COPA: variants seen among roughly 807,000 people sequenced by gnomAD.
COPA encodes the protein coat protein complex I subunit alpha.
In COPA, 10 loss-of-function variants were observed where a neutral mutation model predicts 158.7. The ratio of observed to expected loss-of-function variants is 0.06; its 90% CI spans 0.04 to 0.11. The LOEUF (loss-of-function observed/expected upper bound fraction) is 0.11. COPA is among the 10% of genes least tolerant of loss of function. The probability of loss-of-function intolerance (pLI) is 1.00; values close to 1 mark genes in which losing one functional copy is unlikely to be tolerated. For synonymous variants in COPA, 462 were observed against 542.8 expected (o/e 0.85, Z 2.07); for missense variants, 1,065 against 1,536.7 (o/e 0.69, Z 5.13).
intron 8 of COPA, among the ~76,000 whole-genome samples, chr1:160,315,487 GAC>G (rs1659100708): frequency 6.6e-6 from 1 of 152,202 alleles, no homozygotes; most frequent in Non-Finnish European, 1.5e-5. Context: ...AGCCAGCCTT[GAC>G]ACACAGCTGG....
chr1:160,320,824 G>A (rs576225232), intron 8 of COPA, among the ~76,000 whole-genome samples: 77 of 145,876 alleles, frequency 5.3e-4, no homozygotes, highest in African/African-American at 1.8e-3. Flanking sequence ...AAAGGAAGAG[G>A]AGGGAATATT....
chr1:160,328,465 C>T (rs1021494699), intron 6 of COPA, among the ~76,000 whole-genome samples: 41 of 152,158 alleles, frequency 2.7e-4, no homozygotes, highest in African/African-American at 9.7e-4. Flanking sequence ...CTCGCTAGGA[C>T]TGAACGACAG....
intron 12 of COPA, 26 bp downstream of exon 12, chr1:160,310,166 C>G: frequency 6.7e-7 from 1 of 1,486,950 alleles, no homozygotes; most frequent in African/African-American, 1.4e-5. Context: ...TGAGGAGAAC[C>G]TAGGAGGGCT....
intron 30 of COPA, 44 bp from the exon 31 acceptor site, chr1:160,291,540 C>G: frequency 6.3e-7 from 1 of 1,596,048 alleles, no homozygotes; most frequent in Non-Finnish European, 8.6e-7. Flanking sequence ...GATGCTACAC[C>G]TGGTAGAAGT....
intron 3 of COPA, among the ~76,000 whole-genome samples, chr1:160,339,038 T>C (rs1443213770): frequency 6.8e-6 from 1 of 146,014 alleles, no homozygotes; most frequent in Non-Finnish European, 1.5e-5. Flanking sequence ...TATCTCCTCC[T>C]GATTTTCCTT....
rs1318446628 is a variant in COPA, at chr1:160,292,181, T to G, written c.2978A>C (p.Lys993Thr). ...CAGGCCCACAGCTGGTACACCATTC[T>G]TCAGCCCTGCATCCTTCCTGGAAAG... is the stretch of plus-strand genomic sequence containing the variant. ...PNRNWKDAGL[K>T]NGVPAVGLKL... Residue 993 changes from lysine (K) to threonine (T), a missense_variant, in exon 29 of 33, where the codon AAG becomes ACG. By Grantham distance (78) the Lys-to-Thr change is moderately conservative. This residue lies in a region of COPA where 980 missense variants were observed against 1,357.8 expected (regional missense o/e 0.72). Coordinates refer to ENST00000241704, the MANE Select transcript of COPA (RefSeq NM_004371.4). The G allele has an allele frequency of 1.2e-6, 2 of 1,612,944 alleles. No individual in the cohort carries two copies. The highest frequency in any genetic ancestry group is 2.2e-5 in the South Asian group (2 of 91,022).
rs1295798485 is a variant in COPA at position 160,299,137 on chromosome 1, A to G, written c.1795T>C (p.Phe599Leu). 6.2e-7 allele frequency: 1 copy of G among 1,614,224 alleles called. No individual in the cohort carries two copies. Among genetic ancestry groups the G allele is most frequent in the Non-Finnish European group, 8.5e-7 (1 of 1,180,036 alleles). ...TTTCTGTTGATCAGGGCCAGCTTGA[A>G]TTTGAACTCAGTGGGATCAATGGTG... ...VLTIDPTEFK[F>L]KLALINRKYD... is the part of the protein sequence containing the mutation. Residue 599 changes from phenylalanine (F) to leucine (L), a missense_variant, in exon 18 of 33, where the codon TTC (phenylalanine) becomes CTC (leucine). By Grantham distance (22) the Phe-to-Leu change is conservative (BLOSUM62 0). Transcript: ENST00000241704.
chr1:160,330,073 C>G (rs1647432234), intron 6 of COPA, among the ~76,000 whole-genome samples: 1 of 152,094 alleles, frequency 6.6e-6, no homozygotes, highest in African/African-American at 2.4e-5. Context: ...TGAGATCATG[C>G]CACTGCACTC....
At chr1:160,301,393 A>G (rs990062278) in intron 17 of COPA, among the ~76,000 whole-genome samples, 1 of 152,208 alleles carries the variant, frequency 6.6e-6, no homozygotes, top group Non-Finnish European at 1.5e-5. Context: ...AATCAGAAAA[A>G]AATCAGAAAT....
intron 3 of COPA, 70 bp downstream of exon 3, chr1:160,339,839 T>G: frequency 7.1e-7 from 1 of 1,405,506 alleles, no homozygotes; most frequent in Non-Finnish European, 1.0e-6. Flanking sequence ...GTCTTTCAGT[T>G]CCTTTCATGA....
At chr1:160,337,501 C>T (rs1647832201) in intron 3 of COPA, among the ~76,000 whole-genome samples, 1 of 152,212 alleles carries the variant, frequency 6.6e-6, no homozygotes, top group South Asian at 2.1e-4. Context: ...AGGAAGACGA[C>T]CCGAGGTCGG....
chr1:160,310,226 T>C lies in COPA; in HGVS notation c.1109A>G (p.Tyr370Cys). Residue 370 changes from tyrosine to cysteine, a missense_variant, in exon 12 of 33, where the codon TAC (tyrosine) becomes TGC (cysteine). Physicochemically the swap from Tyr to Cys is radical, Grantham distance 194. Around this residue, in one of 2 missense-constraint regions of COPA, gnomAD observed 980 missense variants for 1,357.8 expected, o/e 0.72. Transcript: ENST00000241704. ...CAGGACTGCATTTTCTGCTGGATTG[T>C]ATGACATATTGAATACTGGAAACTT... is the stretch of plus-strand genomic sequence containing the variant. ...GSKFPVFNMSYNPAENAVLLC... is the reference protein window; with the variant it reads ...GSKFPVFNMSCNPAENAVLLC... 2 of 1,605,610 alleles carry C rather than the reference T, an allele frequency of 1.2e-6. No individual in the cohort carries two copies. Among genetic ancestry groups the C allele is most frequent in the Non-Finnish European group, 1.7e-6 (2 of 1,175,958 alleles).
chr1:160,313,379 A>T (rs1354180075), intron 9 of COPA, among the ~76,000 whole-genome samples: 2 of 151,550 alleles, frequency 1.3e-5, no homozygotes, highest in Admixed American at 1.3e-4. Flanking sequence ...TGATATATAG[A>T]TTTCCCCTTT....
At chr1:160,307,279 T>C in intron 13 of COPA, 34 bp from the exon 14 acceptor site, 2 of 1,604,736 alleles carry the variant, frequency 1.2e-6, no homozygotes, top group Non-Finnish European at 1.7e-6. Context: ...TGGGAGCATG[T>C]GGTGAGTCAC....
chr1:160,303,209 C>A (rs554563751), intron 17 of COPA, among the ~76,000 whole-genome samples: 1 of 152,072 alleles, frequency 6.6e-6, no homozygotes, highest in African/African-American at 2.4e-5. Flanking sequence ...AAAACAGCAA[C>A]AACAACAACA....
intron 32 of COPA, 120 bp downstream of exon 32, chr1:160,290,372 C>T (rs1658185398): frequency 7.2e-7 from 1 of 1,390,096 alleles, no homozygotes; most frequent in Non-Finnish European, 9.9e-7. Flanking sequence ...CTAGCTTTCT[C>T]CAGTGTCACT....
chr1:160,326,793 T>A (rs1053944697), intron 6 of COPA, among the ~76,000 whole-genome samples: 9 of 152,382 alleles, frequency 5.9e-5, no homozygotes, highest in African/African-American at 2.2e-4. Flanking sequence ...TAGATTTGAA[T>A]ACTTGGATTT....
intron 31 of COPA, 58 bp from the exon 32 acceptor site, chr1:160,290,744 A>G: frequency 5.9e-6 from 9 of 1,519,194 alleles, no homozygotes; most frequent in Non-Finnish European, 8.2e-6. Context: ...ACCTCAAAGG[A>G]TCCCAACACC....
chr1:160,325,593 C>T lies in COPA; in HGVS notation c.556G>A (p.Gly186Arg). 1.2e-6 allele frequency: 2 copies of T among 1,614,204 alleles called. No homozygotes were observed. Among genetic ancestry groups the T allele is most frequent in the Non-Finnish European group, 1.7e-6 (2 of 1,180,034 alleles). ...TCTGTAGTTCCAAATAGATCAACCC[C>T]AGTTATTCCTCTCACATCCGATTCC... ...AVESDVRGIT[G>R]VDLFGTTDAV... Residue 186 changes from glycine (G) to arginine (R), a missense_variant, in exon 7 of 33, where the codon GGG (glycine) becomes AGG (arginine). Transcript: ENST00000241704.
Sources: allele counts gnomAD v4.1 joint callset (sites outside exome capture counted in the v4.1 genomes callset), GRCh38; gene constraint gnomAD v4.1.1; regional missense constraint gnomAD v4.1.1; transcripts MANE v1.5; gene names NCBI Gene and HGNC (gene_info 2026-07-23, HGNC 2026-07-21).